SUPT3H: variants seen among roughly 807,000 people sequenced by gnomAD.
The protein encoded by SUPT3H is transcription initiation protein SPT3 homolog.
A neutral mutation model predicts 44.3 loss-of-function variants in SUPT3H; 44 were observed. The ratio of observed to expected loss-of-function variants is 0.99; its 90% CI spans 0.78 to 1.28. The LOEUF (loss-of-function observed/expected upper bound fraction) is 1.28. Ranked by LOEUF, SUPT3H falls within the 50% of genes most tolerant of loss-of-function variation. The pLI is 0.00. For missense variants in SUPT3H, 380 were observed against 387.1 expected, an observed-to-expected ratio of 0.98 and a Z score of 0.15; for synonymous variants, 124 against 125.6, an observed-to-expected ratio of 0.99 and a Z score of 0.09.
chr6:45,168,164 T>C (rs1289624276), intron 2 of SUPT3H, among the ~76,000 whole-genome samples: 1 of 152,150 alleles, frequency 6.6e-6, no homozygotes, highest in Non-Finnish European at 1.5e-5. Flanking sequence ...GAATCAATTA[T>C]GCTCTTTTCC....
intron 9 of SUPT3H, among the ~76,000 whole-genome samples, chr6:44,935,479 C>T (rs969856046): frequency 1.6e-4 from 25 of 152,146 alleles, no homozygotes; most frequent in African/African-American, 5.8e-4. Context: ...TTTTCAAAAA[C>T]TAAACCCAAA....
At chr6:45,278,654 T>A (rs1213155650) in intron 2 of SUPT3H, among the ~76,000 whole-genome samples, 1 of 152,228 alleles carries the variant, frequency 6.6e-6, no homozygotes, top group South Asian at 2.1e-4. Flanking sequence ...AAATGTTGAT[T>A]TCATTTTAAA....
rs193138034 is a variant in SUPT3H at position 44,980,305 on chromosome 6, C to T, written c.505-18477G>A. Reference sequence around the variant, plus strand: ...TCACTTCATCTCATTGATAAGTTCTCGGAAACTGAAAATTTATGTGAAACA... The same window carrying T: ...TCACTTCATCTCATTGATAAGTTCTTGGAAACTGAAAATTTATGTGAAACA... On this transcript the variant is annotated intron_variant, in intron 6 of 10. Coordinates refer to ENST00000371459, the MANE Select transcript of SUPT3H (RefSeq NM_003599.4). Among the ~76,000 whole-genome samples the T allele has an allele frequency of 1.2e-4, 18 of 150,974 alleles. No homozygotes were observed. The South Asian group carries it at 1.3e-3, about 11-fold the overall frequency.
intron 3 of SUPT3H, among the ~76,000 whole-genome samples, chr6:45,038,964 T>C (rs917086445): frequency 6.6e-6 from 1 of 152,170 alleles, no homozygotes; most frequent in Non-Finnish European, 1.5e-5. Context: ...AATCATCAGA[T>C]ATTTCCAGGG....
chr6:44,821,255 T>C (rs1341521118), intron 11 of SUPT3H, among the ~76,000 whole-genome samples: 2 of 152,234 alleles, frequency 1.3e-5, no homozygotes, highest in Non-Finnish European at 2.9e-5. Flanking sequence ...ACTCATGGTA[T>C]GCACAGCTAA....
intron 10 of SUPT3H, among the ~76,000 whole-genome samples, chr6:44,834,655 G>A (rs1340308189): frequency 6.6e-6 from 1 of 152,170 alleles, no homozygotes; most frequent in African/African-American, 2.4e-5. Context: ...AATGCCCAGA[G>A]AGAGTGACCC....
intron 5 of SUPT3H, among the ~76,000 whole-genome samples, chr6:45,011,079 G>A (rs1009871763): frequency 2.0e-5 from 3 of 151,980 alleles, no homozygotes; most frequent in Admixed American, 1.3e-4. Context: ...TTTGGTCATG[G>A]TTTATAATCC....
chr6:45,296,738 C>CAAAAAAAAAAAAAAAAAAAAA (rs60921436), intron 2 of SUPT3H, among the ~76,000 whole-genome samples: 1 of 29,702 alleles, frequency 3.4e-5, no homozygotes, highest in Non-Finnish European at 6.7e-5. Flanking sequence ...GACTCTGTCT[C>CAAAAAAAAAAAAAAAAAAAAA]AAAAAAAAAA....
At chr6:45,013,864 C>T (rs1473314874) in intron 5 of SUPT3H, among the ~76,000 whole-genome samples, 1 of 152,052 alleles carries the variant, frequency 6.6e-6, no homozygotes, top group Non-Finnish European at 1.5e-5. Flanking sequence ...GTTAAGGTGG[C>T]AGAATGGTGA....
At chr6:45,127,269 G>A (rs1338392484) in intron 2 of SUPT3H, among the ~76,000 whole-genome samples, 2 of 152,110 alleles carry the variant, frequency 1.3e-5, no homozygotes, top group Admixed American at 6.5e-5. Context: ...AGCTGAGATC[G>A]TGCCACCAAA....
At chr6:45,120,417 TAAAAAAA>T (rs71687494) in intron 2 of SUPT3H, among the ~76,000 whole-genome samples, 4 of 50,510 alleles carry the variant, frequency 7.9e-5, no homozygotes, top group Non-Finnish European at 1.1e-4. Flanking sequence ...AGACCTTGTC[TAAAAAAA>T]AAAAAAAAAA....
chr6:45,204,250 AAAGAAGAAGAAG>A (rs59918814), intron 2 of SUPT3H, among the ~76,000 whole-genome samples: 2 of 143,052 alleles, frequency 1.4e-5, no homozygotes, highest in African/African-American at 2.6e-5. Flanking sequence ...CCGTCTCAAA[AAAGAAGAAGAAG>A]AAGAAGAAGA....
chr6:45,253,881 A>G (rs917286983), intron 2 of SUPT3H, among the ~76,000 whole-genome samples: 1 of 143,784 alleles, frequency 7.0e-6, no homozygotes, highest in Non-Finnish European at 1.5e-5. Context: ...ATACACACAC[A>G]CAGTACATAT....
At position 45,167,536 on chromosome 6, in the gene SUPT3H, T is replaced by C. The variant is rs116781588; in HGVS notation, c.102-61530A>G. On this transcript the variant is annotated intron_variant, in intron 2 of 10. Coordinates refer to ENST00000371459, the MANE Select transcript of SUPT3H (RefSeq NM_003599.4). Reference sequence around the variant, plus strand: ...CTCAACCTTTTTCTGTCTTTGCTTATGTGTTATGTTTTCTGCTTCATAATT... The same window carrying C: ...CTCAACCTTTTTCTGTCTTTGCTTACGTGTTATGTTTTCTGCTTCATAATT... Among the ~76,000 whole-genome samples the C allele has an allele frequency of 3.8e-3, 580 of 152,352 alleles. 1 individual carries two copies. The highest frequency in any genetic ancestry group is 6.9e-3 in the Non-Finnish European group (467 of 68,034).
chr6:45,135,327 C>T (rs1804106251), intron 2 of SUPT3H, among the ~76,000 whole-genome samples: 1 of 152,144 alleles, frequency 6.6e-6, no homozygotes, highest in African/African-American at 2.4e-5. Context: ...TGCTTGGACA[C>T]ACCCTTGGTT....
At chr6:45,201,741 T>C (rs1227394550) in intron 2 of SUPT3H, among the ~76,000 whole-genome samples, 1 of 151,902 alleles carries the variant, frequency 6.6e-6, no homozygotes, top group South Asian at 2.1e-4. Context: ...GCCACTGTAA[T>C]TGAAAGACAT....
intron 2 of SUPT3H, among the ~76,000 whole-genome samples, chr6:45,187,345 G>A (rs1448751824): frequency 6.6e-6 from 1 of 151,580 alleles, no homozygotes; most frequent in Non-Finnish European, 1.5e-5. Context: ...AACCCAGGAG[G>A]TGGAAGTTGC....
intron 2 of SUPT3H, among the ~76,000 whole-genome samples, chr6:45,247,762 A>G (rs1771632241): frequency 6.6e-6 from 1 of 151,992 alleles, no homozygotes; most frequent in Admixed American, 6.6e-5. Flanking sequence ...AACAAGAACT[A>G]GAGCCAAAAA....
chr6:44,815,586 A>G (rs1490026696), intron 11 of SUPT3H, among the ~76,000 whole-genome samples: 1 of 152,176 alleles, frequency 6.6e-6, no homozygotes, highest in Non-Finnish European at 1.5e-5. Flanking sequence ...GTAAAAAGGA[A>G]AATTAAGAAT....
Sources: gnomAD v4.1 joint callset for allele counts (sites outside exome capture counted in the v4.1 genomes callset) on GRCh38, gnomAD v4.1.1 for gene constraint, MANE v1.5 for transcripts, NCBI Gene and HGNC (gene_info 2026-07-23, HGNC 2026-07-21) for gene names.